The following ZNF589 variants were observed in gnomAD, a reference collection of about 807,000 sequenced individuals.
The protein encoded by ZNF589 is zinc finger protein 589.
A neutral mutation model predicts 13.6 loss-of-function variants in ZNF589; 17 were observed. The ratio of observed to expected loss-of-function variants is 1.25; its 90% CI spans 0.86 to 1.88. The LOEUF is 1.88. Ranked by LOEUF, ZNF589 falls within the 40% of genes most tolerant of loss-of-function variation. ZNF589 has a pLI of 0.00. For missense variants in ZNF589, 407 were observed against 434.0 expected (o/e 0.94, Z 0.55); for synonymous variants, 148 against 161.6 (o/e 0.92, Z 0.64).
intron 2 of ZNF589, among the ~76,000 whole-genome samples, chr3:48,248,962 C>A (rs941309512): frequency 3.3e-5 from 5 of 152,204 alleles, no homozygotes; most frequent in Non-Finnish European, 7.3e-5. Context: ...GTACCAGTCT[C>A]TAGGGCAGCT....
rs566921689 is a variant in ZNF589, at chr3:48,269,645, A to G, written c.*859A>G. The G allele has an allele frequency of 1.2e-5, 4 of 336,378 alleles. No homozygotes were observed. In the Admixed American group the frequency reaches 1.2e-4, roughly 10 times the overall value. 20.8% of individuals were successfully genotyped at this position (336,378 alleles called of 1,614,324 possible). A position where few individuals can be genotyped will look rare whatever the true frequency, so the allele number is the denominator to read the frequency against. Reference sequence around the variant, plus strand: ...GGAGTGTGGGCAAAGCTTTAGGAGAAAGTCACAGCTCATCATACACCAGAA... The same window carrying G: ...GGAGTGTGGGCAAAGCTTTAGGAGAGAGTCACAGCTCATCATACACCAGAA... On this transcript the variant is annotated 3_prime_UTR_variant, in exon 4 of 4. Transcript: ENST00000354698.
rs1189743856 is a variant in ZNF589, at chr3:48,267,908, T to C, written c.224-7T>C. 1.3e-6 allele frequency: 2 copies of C among 1,597,428 alleles called. No homozygotes were observed. Among genetic ancestry groups the C allele is most frequent in the South Asian group, 1.1e-5 (1 of 89,938 alleles). On this transcript the variant is annotated splice_region_variant and splice_polypyrimidine_tract_variant and intron_variant, in intron 3 of 3. Coordinates refer to ENST00000354698, the MANE Select transcript of ZNF589 (RefSeq NM_016089.3). Reference sequence around the variant, plus strand: ...GACTCTTCTGACTGGAAACTTTCTTTCTTCAGCAGAATCAAAGCCAGAAGT... The same window carrying C: ...GACTCTTCTGACTGGAAACTTTCTTCCTTCAGCAGAATCAAAGCCAGAAGT...
chr3:48,258,096 T>A, intron 2 of ZNF589: 1 of 289,928 alleles, frequency 3.4e-6, no homozygotes. Flanking sequence ...TTGTGTTAAA[T>A]CTATAGATCA....
intron 2 of ZNF589, among the ~76,000 whole-genome samples, chr3:48,254,022 T>A (rs2033869255): frequency 6.6e-6 from 1 of 151,994 alleles, no homozygotes; most frequent in Non-Finnish European, 1.5e-5. Context: ...CTCAGGAGTT[T>A]AAGGCTACAT....
At chr3:48,244,437 A>G (rs767443616) in intron 1 of ZNF589, among the ~76,000 whole-genome samples, 1 of 152,116 alleles carries the variant, frequency 6.6e-6, no homozygotes, top group Non-Finnish European at 1.5e-5. Flanking sequence ...TTTTATATAT[A>G]TATTTTTAAT....
chr3:48,267,892 G>A, intron 3 of ZNF589, 23 bp from the exon 4 acceptor site: 1 of 1,585,404 alleles, frequency 6.3e-7, no homozygotes, highest in Non-Finnish European at 8.5e-7. Context: ...TGACTCTTCT[G>A]ACTGGAAACT....
intron 3 of ZNF589, among the ~76,000 whole-genome samples, chr3:48,263,945 T>A (rs1466884459): frequency 6.6e-6 from 1 of 152,198 alleles, no homozygotes; most frequent in Non-Finnish European, 1.5e-5. Context: ...TATCACTCAT[T>A]TACTCAAAAG....
intron 2 of ZNF589, among the ~76,000 whole-genome samples, chr3:48,259,505 T>C (rs2033945235): frequency 6.6e-6 from 1 of 152,116 alleles, no homozygotes; most frequent in South Asian, 2.1e-4. Flanking sequence ...TACCAACTCC[T>C]AGAGTGCCAA....
Position 48,260,935 on chromosome 3 carries a change from A to T in ZNF589, c.219A>T (p.Ser73=). 6.2e-7 allele frequency: 1 copy of T among 1,614,136 alleles called. No homozygotes were observed. The highest frequency in any genetic ancestry group is 8.5e-7 in the Non-Finnish European group (1 of 1,180,000). ...TGGAAAATCTCAGGAATCTGGTCTC[A>T]TTGGGTAAGGACATGTTCTCTTCCT... The part of the protein sequence containing the change: ...VMLENLRNLV[S]LAESKPEVHT... Residue 73 remains serine (S), a synonymous_variant, in exon 3 of 4, where the codon TCA becomes TCT. Transcript: ENST00000354698.
intron 1 of ZNF589, among the ~76,000 whole-genome samples, chr3:48,246,302 C>CTCAATCAA (rs34516773): frequency 1.1e-4 from 16 of 151,650 alleles, no homozygotes; most frequent in Non-Finnish European, 2.1e-4. Flanking sequence ...GAGACCCTAT[C>CTCAATCAA]TCAATCAATC....
chr3:48,269,215 C>A lies in ZNF589; in HGVS notation c.*429C>A. On this transcript the variant is annotated 3_prime_UTR_variant, in exon 4 of 4. Coordinates refer to ENST00000354698, the MANE Select transcript of ZNF589 (RefSeq NM_016089.3). ...ATGCATGCACGGAGTGTGGGCAAGG[C>A]TTTATCACGAAATCACAGCTCATCA... The A allele has an allele frequency of 2.1e-6, 3 of 1,411,822 alleles. No individual in the cohort carries two copies. The highest frequency in any genetic ancestry group is 1.2e-5 in the South Asian group (1 of 85,778). 87.5% of individuals were successfully genotyped at this position (1,411,822 alleles called of 1,614,324 possible). A position where few individuals can be genotyped will look rare whatever the true frequency, so the allele number is the denominator to read the frequency against.
intron 2 of ZNF589, chr3:48,256,269 T>C (rs2033902166): frequency 2.4e-6 from 1 of 408,692 alleles, no homozygotes; most frequent in South Asian, 1.9e-5. Context: ...AGGAGTATAG[T>C]TGTGGCCCAG....
At chr3:48,266,816 A>G (rs1182003890) in intron 3 of ZNF589, among the ~76,000 whole-genome samples, 1 of 152,242 alleles carries the variant, frequency 6.6e-6, no homozygotes, top group African/African-American at 2.4e-5. Flanking sequence ...AGGCATCCAG[A>G]CATCCTCAGT....
intron 3 of ZNF589, among the ~76,000 whole-genome samples, chr3:48,266,598 G>A (rs1197450883): frequency 6.6e-6 from 1 of 152,234 alleles, no homozygotes; most frequent in Non-Finnish European, 1.5e-5. Flanking sequence ...GGCCAACCAA[G>A]GCGGGCAGAT....
At chr3:48,251,589 A>G (rs1376238591) in intron 2 of ZNF589, among the ~76,000 whole-genome samples, 2 of 151,506 alleles carry the variant, frequency 1.3e-5, no homozygotes, top group African/African-American at 2.4e-5. Context: ...TTAATTTAAG[A>G]TCACCTTTAA....
intron 3 of ZNF589, among the ~76,000 whole-genome samples, chr3:48,263,083 A>G (rs2033983307): frequency 6.6e-6 from 1 of 152,150 alleles, no homozygotes; most frequent in Non-Finnish European, 1.5e-5. Context: ...TATTGAAATG[A>G]ATATTTTTAT....
chr3:48,257,030 ATTC>A (rs1350464423), intron 2 of ZNF589: 5 of 535,498 alleles, frequency 9.3e-6, no homozygotes, highest in Non-Finnish European at 1.8e-5. Context: ...GTGGTATGTA[ATTC>A]TTCTTGGGCA....
intron 2 of ZNF589, among the ~76,000 whole-genome samples, chr3:48,260,348 C>T (rs1361371121): frequency 6.6e-6 from 1 of 152,060 alleles, no homozygotes; most frequent in Non-Finnish European, 1.5e-5. Context: ...CTGTGTTGCT[C>T]AGGCTAGTCT....
intron 1 of ZNF589, among the ~76,000 whole-genome samples, chr3:48,241,426 C>T (rs1188706901): frequency 6.6e-6 from 1 of 152,264 alleles, no homozygotes; most frequent in Non-Finnish European, 1.5e-5. Context: ...GACTCTTCAC[C>T]GGGCATCCTG....
Sources: allele counts gnomAD v4.1 joint callset (sites outside exome capture counted in the v4.1 genomes callset), GRCh38; gene constraint gnomAD v4.1.1; transcripts MANE v1.5; gene names NCBI Gene and HGNC (gene_info 2026-07-23, HGNC 2026-07-21).